The following TMEM108 variants were observed in gnomAD, a reference collection of about 807,000 sequenced individuals.
TMEM108 encodes the protein cancer/testis antigen 124.
A neutral mutation model predicts 35.1 loss-of-function variants in TMEM108; 12 were observed. That is an observed-to-expected ratio of 0.34 (90% CI 0.22 to 0.55). The LOEUF is 0.55. Ranked by LOEUF, TMEM108 falls within the 20% of genes least tolerant of loss-of-function variation. The pLI is 0.89. For synonymous variants in TMEM108, 287 were observed against 308.6 expected (o/e 0.93, Z 0.73); for missense variants, 680 against 753.3 (o/e 0.90, Z 1.14).
At chr3:133,266,808 C>T (rs900309803) in intron 3 of TMEM108, among the ~76,000 whole-genome samples, 2 of 150,390 alleles carry the variant, frequency 1.3e-5, no homozygotes, top group African/African-American at 2.5e-5. Flanking sequence ...CGTGGTGGCT[C>T]ATGCCTGTAA....
chr3:133,100,803 A>G (rs1944077322), intron 2 of TMEM108, among the ~76,000 whole-genome samples: 1 of 152,330 alleles, frequency 6.6e-6, no homozygotes, highest in South Asian at 2.1e-4. Context: ...ATTGTAGAAA[A>G]TATTGTTAAG....
chr3:133,385,326 AC>A (rs148983191), intron 4 of TMEM108, among the ~76,000 whole-genome samples: 1,756 of 152,062 alleles, frequency 0.012, 17 homozygotes, highest in South Asian at 0.021. Context: ...CCAGTGTTAG[AC>A]CCATACCCTG....
intron 2 of TMEM108, among the ~76,000 whole-genome samples, chr3:133,168,939 C>A (rs1945086597): frequency 6.6e-6 from 1 of 152,118 alleles, no homozygotes; most frequent in Admixed American, 6.5e-5. Flanking sequence ...TGAAGGTCTG[C>A]AGCTTCAATC....
chr3:133,284,914 AGTTTTTT>A (rs1440355168), intron 3 of TMEM108, among the ~76,000 whole-genome samples: 1 of 151,354 alleles, frequency 6.6e-6, no homozygotes, highest in Non-Finnish European at 1.5e-5. Flanking sequence ...CCATGTTTCA[AGTTTTTT>A]GTTTTTTGTT....
intron 3 of TMEM108, among the ~76,000 whole-genome samples, chr3:133,361,101 G>T (rs886623109): frequency 3.3e-5 from 5 of 152,184 alleles, no homozygotes; most frequent in African/African-American, 1.2e-4. Context: ...TTAAGGATAA[G>T]TTGTCTTTCC....
chr3:133,062,777 G>A (rs78952567), intron 2 of TMEM108, among the ~76,000 whole-genome samples: 4,196 of 152,254 alleles, frequency 0.028, 102 homozygotes, highest in South Asian at 0.061. Context: ...AGCAATGTGA[G>A]GTTCCATATT....
intron 3 of TMEM108, among the ~76,000 whole-genome samples, chr3:133,281,607 G>A (rs1481626377): frequency 2.0e-5 from 3 of 152,186 alleles, no homozygotes; most frequent in East Asian, 1.9e-4. Flanking sequence ...GAAGTACAAC[G>A]GCAGCTGGCA....
intron 2 of TMEM108, among the ~76,000 whole-genome samples, chr3:133,063,188 C>T (rs1247791624): frequency 6.6e-6 from 1 of 151,980 alleles, no homozygotes; most frequent in African/African-American, 2.4e-5. Context: ...GGGCAGAGAA[C>T]AGGGACTGAA....
intron 4 of TMEM108, among the ~76,000 whole-genome samples, chr3:133,389,937 A>C (rs1287936886): frequency 6.6e-6 from 1 of 151,800 alleles, no homozygotes; most frequent in East Asian, 1.9e-4. Flanking sequence ...GATGATGATG[A>C]TAGTACCAGA....
intron 2 of TMEM108, among the ~76,000 whole-genome samples, chr3:133,192,199 G>T (rs146669368): frequency 6.6e-6 from 1 of 152,268 alleles, no homozygotes; most frequent in African/African-American, 2.4e-5. Flanking sequence ...GATGTAGAGG[G>T]CAAGAGTTTC....
At chr3:133,291,019 A>G (rs1056663463) in intron 3 of TMEM108, among the ~76,000 whole-genome samples, 1 of 152,204 alleles carries the variant, frequency 6.6e-6, no homozygotes, top group Non-Finnish European at 1.5e-5. Flanking sequence ...CTGCTCATAT[A>G]ATAATATTTT....
chr3:133,249,076 G>C (rs1946427540), intron 3 of TMEM108, among the ~76,000 whole-genome samples: 2 of 152,120 alleles, frequency 1.3e-5, no homozygotes, highest in Non-Finnish European at 2.9e-5. Flanking sequence ...GGAGGGTAGA[G>C]GTAGGAAAGG....
chr3:133,248,316 C>T (rs1337598524), intron 3 of TMEM108: 8 of 152,124 alleles, frequency 5.3e-5, no homozygotes, highest in Non-Finnish European at 1.2e-4. Context: ...ATACAATGCC[C>T]TAAAAGCCAA....
intron 3 of TMEM108, among the ~76,000 whole-genome samples, chr3:133,236,924 A>G (rs1398826141): frequency 3.3e-5 from 5 of 152,076 alleles, no homozygotes; most frequent in South Asian, 4.1e-4. Flanking sequence ...ATGGAAAGCA[A>G]TTTGACTAAA....
chr3:133,098,872 G>A (rs544284681), intron 2 of TMEM108, among the ~76,000 whole-genome samples: 18 of 152,240 alleles, frequency 1.2e-4, no homozygotes, highest in Non-Finnish European at 1.6e-4. Context: ...ACGGGCTGGC[G>A]TTGAGTGCGG....
At chr3:133,040,851 T>C (rs1943267182) in intron 1 of TMEM108, among the ~76,000 whole-genome samples, 1 of 152,234 alleles carries the variant, frequency 6.6e-6, no homozygotes, top group South Asian at 2.1e-4. Context: ...CTTTCTGTCG[T>C]TTCTGTCCCC....
At position 133,116,095 on chromosome 3, in the gene TMEM108, A is replaced by G. The variant is rs148874221; in HGVS notation, c.-47+70075A>G. ...TACTCCAAGTCTTTAGTAATGAGAG[A>G]AATGTAAATGGATGGTCTGCCTCTA... On this transcript the variant is annotated intron_variant, in intron 2 of 5. Coordinates refer to ENST00000321871, the MANE Select transcript of TMEM108 (RefSeq NM_023943.4). Among the ~76,000 whole-genome samples the G allele has an allele frequency of 6.1e-3, 934 of 152,328 alleles. 6 individuals carry two copies. Among genetic ancestry groups the G allele is most frequent in the Non-Finnish European group, 8.4e-3 (569 of 68,028 alleles).
chr3:133,345,931 T>C (rs2071805360), intron 3 of TMEM108, among the ~76,000 whole-genome samples: 1 of 151,986 alleles, frequency 6.6e-6, no homozygotes, highest in Non-Finnish European at 1.5e-5. Flanking sequence ...CAGCAATATG[T>C]TTAAGGATCT....
At chr3:133,065,493 A>G (rs1348559466) in intron 2 of TMEM108, among the ~76,000 whole-genome samples, 4 of 151,272 alleles carry the variant, frequency 2.6e-5, no homozygotes, top group Non-Finnish European at 5.9e-5. Flanking sequence ...AAGAAACCCA[A>G]TTTTTTTTTC....
Sources: allele counts gnomAD v4.1 joint callset (sites outside exome capture counted in the v4.1 genomes callset), GRCh38; gene constraint gnomAD v4.1.1; transcripts MANE v1.5; gene names NCBI Gene and HGNC (gene_info 2026-07-23, HGNC 2026-07-21).